The following ZNF85 variants were observed in gnomAD, a reference collection of about 807,000 sequenced individuals.
ZNF85 encodes zinc finger protein 85, also known as zinc finger protein 85 (HPF4, HTF1).
ZNF85 carries 50 observed loss-of-function variants against 53.9 expected under a neutral mutation model. That is an observed-to-expected ratio of 0.93 (90% CI 0.74 to 1.17). The LOEUF is 1.17. Among genes scored for constraint, ZNF85 ranks in the 50% most tolerant of loss-of-function variants. The probability of loss-of-function intolerance (pLI) is 0.00; values close to 1 mark genes in which losing one functional copy is unlikely to be tolerated. For synonymous variants in ZNF85, 225 were observed against 226.1 expected (o/e 1.00, Z 0.04); for missense variants, 747 against 688.5 (o/e 1.08, Z -0.95).
intron 3 of ZNF85, chr19:20,944,227 C>T (rs1323115875): frequency 6.6e-6 from 1 of 151,100 alleles, no homozygotes; most frequent in Non-Finnish European, 1.5e-5. Flanking sequence ...ACTCATTTAG[C>T]CTTTCTTTTT....
Position 20,950,261 on chromosome 19 carries a change from AAACAT to A in ZNF85, c.1750_1754del (p.His584AspfsTer18). The A allele has an allele frequency of 6.4e-7, 1 of 1,572,172 alleles. No individual in the cohort carries two copies. The highest frequency in any genetic ancestry group is 8.6e-7 in the Non-Finnish European group (1 of 1,164,840). On this transcript the variant is annotated frameshift_variant, in exon 4 of 4. Transcript: ENST00000328178. LOFTEE classifies it high-confidence loss of function. Reference sequence around the variant, plus strand: ...TTTTAAATGGTCCTCAGTCCTTACTAAACATAAGATAATTCATACCGGAGAAAAAT... The same window carrying A: ...TTTTAAATGGTCCTCAGTCCTTACTAAAGATAATTCATACCGGAGAAAAAT...
rs753036555 is a variant in ZNF85 at position 20,950,207 on chromosome 19, C to T, written c.1693C>T (p.Pro565Ser). ...TAAGAGAATTCATACTGGAGAAAAA[C>T]CTTACAAATGTGAAGAATGTGACAA... ...KHKRIHTGEK[P>S]YKCEECDKAF... The change falls in exon 4 of 4, where the codon CCT (proline) becomes TCT (serine). Residue 565 changes from proline to serine, a missense_variant. Transcript: ENST00000328178. The T allele has an allele frequency of 1.7e-5, 27 of 1,611,654 alleles. No homozygotes were observed. The highest frequency in any genetic ancestry group is 2.3e-5 in the Non-Finnish European group (27 of 1,179,226).
chr19:20,946,192 C>T (rs1281150424), intron 3 of ZNF85: 2 of 231,230 alleles, frequency 8.6e-6, no homozygotes, highest in East Asian at 2.5e-4. Context: ...GCAGTATGAA[C>T]ATCTTTACAG....
intron 3 of ZNF85, among the ~76,000 whole-genome samples, chr19:20,939,780 C>T (rs1020522558): frequency 6.6e-6 from 1 of 152,096 alleles, no homozygotes; most frequent in African/African-American, 2.4e-5. Flanking sequence ...TCACCGCAAC[C>T]TCTGCCTTCT....
intron 1 of ZNF85, among the ~76,000 whole-genome samples, chr19:20,929,157 A>G (rs1972949117): frequency 6.8e-6 from 1 of 147,830 alleles, no homozygotes; most frequent in African/African-American, 2.5e-5. Context: ...GAGTACAGTG[A>G]CAGGATTCAC....
chr19:20,923,408 G>A lies in ZNF85; in HGVS notation c.3+5G>A. On this transcript the variant is annotated splice_donor_5th_base_variant and intron_variant, in intron 1 of 3. Transcript: ENST00000328178. Reference sequence around the variant, plus strand: ...CCCCCTGGAAGCCTAGAAATGGTGAGAGTGCCAGGTCCGCCATCCCGAGGG... The same window carrying A: ...CCCCCTGGAAGCCTAGAAATGGTGAAAGTGCCAGGTCCGCCATCCCGAGGG... 6.2e-7 allele frequency: 1 copy of A among 1,614,154 alleles called. No homozygotes were observed.
chr19:20,934,867 T>A, intron 2 of ZNF85, 82 bp from the exon 3 acceptor site: 2 of 777,398 alleles, frequency 2.6e-6, no homozygotes, highest in South Asian at 2.3e-5. Context: ...ATTTTGGGAT[T>A]AATTTACTAG....
At chr19:20,946,568 ATG>A (rs1973426346) in intron 3 of ZNF85, among the ~76,000 whole-genome samples, 1 of 149,626 alleles carries the variant, frequency 6.7e-6, no homozygotes, top group Non-Finnish European at 1.5e-5. Context: ...AGATATACAC[ATG>A]CACACACACA....
chr19:20,935,578 C>T (rs1973138045), intron 3 of ZNF85, among the ~76,000 whole-genome samples: 1 of 151,810 alleles, frequency 6.6e-6, no homozygotes, highest in Non-Finnish European at 1.5e-5. Context: ...CTCAAGATTG[C>T]TTTGGCTATT....
chr19:20,942,934 C>T, intron 3 of ZNF85: 1 of 577,994 alleles, frequency 1.7e-6, no homozygotes, highest in South Asian at 2.0e-5. Context: ...CAGTACTATG[C>T]CTGGCTAATT....
chr19:20,942,865 T>G, intron 3 of ZNF85: 2 of 697,046 alleles, frequency 2.9e-6, no homozygotes, highest in South Asian at 3.0e-5. Context: ...AGCCTCAACC[T>G]TCTGGGGTCA....
chr19:20,944,057 T>C (rs529166173), intron 3 of ZNF85: 14 of 288,878 alleles, frequency 4.8e-5, no homozygotes, highest in African/African-American at 3.2e-4. Flanking sequence ...TATTAACAGA[T>C]TTATATTTTG....
chr19:20,949,464 A>T lies in ZNF85; in HGVS notation c.950A>T (p.Glu317Val). Residue 317 changes from glutamate to valine, a missense_variant, in exon 4 of 4, where the codon GAA becomes GTA. Coordinates refer to ENST00000328178, the MANE Select transcript of ZNF85 (RefSeq NM_003429.5). ...IHTGEKPYKCEECGKAFKQSS... is the reference protein window; with the variant it reads ...IHTGEKPYKCVECGKAFKQSS... ...ACTGGAGAGAAACCTTACAAATGTG[A>T]AGAATGTGGCAAAGCCTTTAAGCAG... is the stretch of plus-strand genomic sequence containing the variant. 1 of 1,613,660 alleles carries T rather than the reference A, an allele frequency of 6.2e-7. No homozygotes were observed. The highest frequency in any genetic ancestry group is 1.3e-5 in the African/African-American group (1 of 75,048).
At chr19:20,937,251 C>T (rs1236096638) in intron 3 of ZNF85, 5 of 444,032 alleles carry the variant, frequency 1.1e-5, no homozygotes, top group African/African-American at 2.0e-5. Context: ...AGGCGAGTCT[C>T]AAACTCCTGA....
chr19:20,940,791 A>G (rs1973277813), intron 3 of ZNF85, among the ~76,000 whole-genome samples: 1 of 152,208 alleles, frequency 6.6e-6, no homozygotes, highest in Admixed American at 6.5e-5. Flanking sequence ...TTTTAAAGGG[A>G]CATAATATTC....
rs776336571 is a variant in ZNF85, at chr19:20,950,026, T to C, written c.1512T>C (p.His504=). ...PSTLTIHKII[H]TGEKPYKCEE... is the part of the protein sequence containing the mutation. ...CCCTTACTATCCATAAGATAATTCA[T>C]ACTGGAGAGAAACCATACAAATGTG... is the stretch of plus-strand genomic sequence containing the variant. Residue 504 remains histidine, a synonymous_variant, in exon 4 of 4, where the codon CAT becomes CAC. Coordinates refer to ENST00000328178, the MANE Select transcript of ZNF85 (RefSeq NM_003429.5). 1 of 1,613,046 alleles carries C rather than the reference T, an allele frequency of 6.2e-7. No individual in the cohort carries two copies. Among genetic ancestry groups the C allele is most frequent in the Non-Finnish European group, 8.5e-7 (1 of 1,179,730 alleles).
intron 1 of ZNF85, among the ~76,000 whole-genome samples, chr19:20,925,518 G>A (rs1972860776): frequency 6.6e-6 from 1 of 151,264 alleles, no homozygotes; most frequent in Non-Finnish European, 1.5e-5. Flanking sequence ...GACACATTGA[G>A]AGAAAAATGC....
intron 3 of ZNF85, chr19:20,937,007 G>A (rs890636755): frequency 5.8e-5 from 11 of 188,752 alleles, no homozygotes; most frequent in Non-Finnish European, 1.0e-4. Flanking sequence ...AGTTTTTGGG[G>A]TTTTTTTGTT....
intron 1 of ZNF85, among the ~76,000 whole-genome samples, chr19:20,925,487 AC>A: frequency 6.6e-6 from 1 of 151,856 alleles, no homozygotes; most frequent in South Asian, 2.1e-4. Flanking sequence ...ACTTCACCCA[AC>A]CCAGCTTCTA....
Sources: allele counts gnomAD v4.1 joint callset (sites outside exome capture counted in the v4.1 genomes callset), GRCh38; gene constraint gnomAD v4.1.1; transcripts MANE v1.5; gene names NCBI Gene and HGNC (gene_info 2026-07-23, HGNC 2026-07-21).